The following RBAK variants were observed in gnomAD, a reference collection of about 807,000 sequenced individuals.
RBAK encodes RB-associated KRAB zinc finger protein.
RBAK carries 39 observed loss-of-function variants against 65.8 expected under a neutral mutation model. The observed-to-expected ratio is 0.59, with a 90% CI of 0.46 to 0.77. The LOEUF is 0.77. RBAK is among the 30% of genes least tolerant of loss of function. The probability of loss-of-function intolerance (pLI) is 0.00; values close to 1 mark genes in which losing one functional copy is unlikely to be tolerated. For missense variants in RBAK, 884 were observed against 855.1 expected (o/e 1.03, Z -0.42); for synonymous variants, 343 against 289.7 (o/e 1.18, Z -1.87).
chr7:5,055,156 A>G (rs1788199505), intron 2 of RBAK, among the ~76,000 whole-genome samples: 1 of 152,016 alleles, frequency 6.6e-6, no homozygotes. Context: ...CATTTTATTA[A>G]TACCTTGTTC....
At chr7:5,050,374 A>G (rs888143418) in intron 2 of RBAK, among the ~76,000 whole-genome samples, 3 of 152,202 alleles carry the variant, frequency 2.0e-5, no homozygotes, top group African/African-American at 4.8e-5. Context: ...CTGGAAGTCT[A>G]ATCAGGTTTA....
In RBAK at chr7:5,065,738, A is replaced by G. The variant is rs569891147; in HGVS notation, c.*137A>G. The G allele has an allele frequency of 1.0e-4, 57 of 567,562 alleles. No homozygotes were observed. The highest frequency in any genetic ancestry group is 7.9e-4 in the African/African-American group (41 of 51,794). The allele number at this position is 567,562 out of a possible 1,614,324, so 35.2% of individuals were successfully genotyped here. ...TAGGCATTAGAGTCATTTTAATCCA[A>G]ATTTTCACAGAGAAGAATCCCGAAG... On this transcript the variant is annotated 3_prime_UTR_variant, in exon 5 of 5. Transcript: ENST00000396912. The surrounding 1 kb of genome is among the most constrained non-coding windows in gnomAD (Gnocchi z 5.3).
chr7:5,052,637 T>C (rs10951766), intron 2 of RBAK, among the ~76,000 whole-genome samples: 152,334 of 152,358 alleles, frequency 1, 76,155 homozygotes, highest in Middle Eastern at 1. Flanking sequence ...TAGGATACTT[T>C]CATTTCTCTC....
At chr7:5,063,637 C>T (rs1451315693) in intron 4 of RBAK, 58 bp from the exon 5 acceptor site, 1 of 1,370,586 alleles carries the variant, frequency 7.3e-7, no homozygotes, top group African/African-American at 1.5e-5. Flanking sequence ...ATACCAGTAC[C>T]TTTCCATAGC....
intron 1 of RBAK, among the ~76,000 whole-genome samples, chr7:5,047,121 G>A (rs1478972002): frequency 6.6e-6 from 1 of 152,150 alleles, no homozygotes; most frequent in African/African-American, 2.4e-5. Flanking sequence ...AATGCGGGCC[G>A]GATGCAGTGG....
intron 2 of RBAK, among the ~76,000 whole-genome samples, chr7:5,055,608 T>A (rs1391492393): frequency 6.6e-6 from 1 of 152,232 alleles, no homozygotes; most frequent in Non-Finnish European, 1.5e-5. Flanking sequence ...CATTTGGCTA[T>A]TGTATATTAT....
Position 5,046,225 on chromosome 7 carries a change from G to C in RBAK, c.-216G>C, listed in dbSNP as rs749740545. 2.0e-6 allele frequency: 1 copy of C among 505,748 alleles called. No homozygotes were observed. The highest frequency in any genetic ancestry group is 5.6e-5 in the East Asian group (1 of 17,764). The allele number at this position is 505,748 out of a possible 1,614,324, so 31.3% of individuals were successfully genotyped here. A position where few individuals can be genotyped will look rare whatever the true frequency, so the allele number is the denominator to read the frequency against. On this transcript the variant is annotated 5_prime_UTR_variant, in exon 1 of 5. Transcript: ENST00000396912. The stretch of plus-strand genomic sequence containing the variant: ...CGAGGGAGGCGGATCTGGGTCCCGG[G>C]AAGGACACCCGCCTGGATTTGCCCC...
intron 1 of RBAK, 37 bp downstream of exon 1, chr7:5,046,433 C>G: frequency 2.0e-6 from 1 of 506,324 alleles, no homozygotes; most frequent in Non-Finnish European, 3.9e-6. Flanking sequence ...GCGAGAAGGG[C>G]CTGAGTGAAG....
chr7:5,065,189 A>G lies in RBAK; in HGVS notation c.1733A>G (p.His578Arg), dbSNP rs1308466961. 1.2e-6 allele frequency: 2 copies of G among 1,613,412 alleles called. No individual in the cohort carries two copies. The highest frequency in any genetic ancestry group is 2.7e-5 in the African/African-American group (2 of 74,916). ...AGCGAATGTGGGAAAACCTTTTCCC[A>G]TAATTCATCCCTCTTCAGACATCAA... is the stretch of plus-strand genomic sequence containing the variant. ...GCSECGKTFS[H>R]NSSLFRHQRV... Residue 578 changes from histidine (H) to arginine (R), a missense_variant, in exon 5 of 5, where the codon CAT (histidine) becomes CGT (arginine). Transcript: ENST00000396912. This position sits in a 1 kb window ranked among gnomAD's most constrained non-coding sequence, Gnocchi z 5.3.
intron 2 of RBAK, among the ~76,000 whole-genome samples, chr7:5,052,725 T>C (rs2115029796): frequency 6.6e-6 from 1 of 151,144 alleles, no homozygotes; most frequent in African/African-American, 2.5e-5. Flanking sequence ...ACGTTGTTGT[T>C]AATTAAACAG....
intron 2 of RBAK, among the ~76,000 whole-genome samples, chr7:5,052,619 G>A (rs1788140475): frequency 6.6e-6 from 1 of 152,140 alleles, no homozygotes; most frequent in South Asian, 2.1e-4. Context: ...AGTAAGAGAA[G>A]CTTACAATAG....
At position 5,046,272 on chromosome 7, in the gene RBAK, C is replaced by G. The variant is rs765296643; in HGVS notation, c.-169C>G. On this transcript the variant is annotated 5_prime_UTR_variant, in exon 1 of 5. Coordinates refer to ENST00000396912, the MANE Select transcript of RBAK (RefSeq NM_021163.4). ...CCCCTTAGGCCCGGCCCGGGCCCCT[C>G]GGGAGCAGAACAACCTTAGTGAGGT... 2 of 516,274 alleles carry G rather than the reference C, an allele frequency of 3.9e-6. No homozygotes were observed. Among genetic ancestry groups the G allele is most frequent in the Non-Finnish European group, 7.7e-6 (2 of 259,534 alleles). 32.0% of individuals were successfully genotyped at this position (516,274 alleles called of 1,614,324 possible).
chr7:5,052,063 C>T (rs1241215117), intron 2 of RBAK, among the ~76,000 whole-genome samples: 3 of 152,218 alleles, frequency 2.0e-5, no homozygotes, highest in Non-Finnish European at 4.4e-5. Flanking sequence ...ATATTAGATA[C>T]ATAAATGTTC....
In RBAK at chr7:5,064,307, CA is replaced by C. The variant is rs768698313; in HGVS notation, c.852del (p.Gly285GlufsTer28). 6.2e-7 allele frequency: 1 copy of C among 1,614,128 alleles called. No homozygotes were observed. Among genetic ancestry groups the C allele is most frequent in the East Asian group, 2.2e-5 (1 of 44,874 alleles). ...SKFIIHQRAH[T>X]GEKPYECNVC... ...TTCATCATCCACCAGAGGGCTCACA[CA>C]GGAGAGAAACCTTATGAATGTAATG... is the stretch of plus-strand genomic sequence containing the variant. On this transcript the variant is annotated frameshift_variant, in exon 5 of 5. Transcript: ENST00000396912. LOFTEE classifies it high-confidence loss of function. This position sits in a 1 kb window ranked among gnomAD's most constrained non-coding sequence, Gnocchi z 6.3.
At chr7:5,052,140 T>C (rs1788130027) in intron 2 of RBAK, among the ~76,000 whole-genome samples, 1 of 152,224 alleles carries the variant, frequency 6.6e-6, no homozygotes, top group Admixed American at 6.5e-5. Context: ...CCTGCTAGTA[T>C]TCCAGGCTGA....
At chr7:5,058,139 A>C (rs1778974538) in intron 4 of RBAK, among the ~76,000 whole-genome samples, 1 of 152,046 alleles carries the variant, frequency 6.6e-6, no homozygotes, top group Admixed American at 6.6e-5. Context: ...CAGTGGTATG[A>C]TCTCAGCTCA....
rs1264820155 is a variant in RBAK at position 5,048,683 on chromosome 7, C to G, written c.15+592C>G. On this transcript the variant is annotated intron_variant, in intron 2 of 4. Transcript: ENST00000396912. This position sits in a 1 kb window ranked among gnomAD's most constrained non-coding sequence, Gnocchi z 4.4. Reference sequence around the variant, plus strand: ...CCATCTGTATTAGTCCATTCTCACACTGCTATAGAGAAATAACCAAGACTG... The same window carrying G: ...CCATCTGTATTAGTCCATTCTCACAGTGCTATAGAGAAATAACCAAGACTG... Among the ~76,000 whole-genome samples, 4 of 152,180 alleles carry G rather than the reference C, an allele frequency of 2.6e-5. No individual in the cohort carries two copies. The highest frequency in any genetic ancestry group is 6.5e-5 in the Admixed American group (1 of 15,272).
intron 1 of RBAK, among the ~76,000 whole-genome samples, chr7:5,046,940 C>G (rs1193249970): frequency 6.6e-6 from 1 of 152,114 alleles, no homozygotes; most frequent in African/African-American, 2.4e-5. Flanking sequence ...TTCTTTCTCC[C>G]GTATCCTAGT....
Position 5,064,423 on chromosome 7 carries a change from G to A in RBAK, c.967G>A (p.Gly323Arg), listed in dbSNP as rs551440532. 9.9e-6 allele frequency: 16 copies of A among 1,614,018 alleles called. No homozygotes were observed. Among genetic ancestry groups the A allele is most frequent in the Non-Finnish European group, 1.4e-5 (16 of 1,180,010 alleles). The change falls in exon 5 of 5, where the codon GGG becomes AGG. Residue 323 changes from glycine to arginine, a missense_variant. Coordinates refer to ENST00000396912, the MANE Select transcript of RBAK (RefSeq NM_021163.4). The surrounding 1 kb of genome is among the most constrained non-coding windows in gnomAD (Gnocchi z 6.3). ...GAAGCCCTATAAATGTAATGAATGTGGGAAAACCTTTTGTCAGAAGTTACA... is the reference window on the plus strand; with the variant it reads ...GAAGCCCTATAAATGTAATGAATGTAGGAAAACCTTTTGTCAGAAGTTACA... ...EEKPYKCNEC[G>R]KTFCQKLHLT...
Sources: gnomAD v4.1 joint callset for allele counts (sites outside exome capture counted in the v4.1 genomes callset) on GRCh38, gnomAD v4.1.1 for gene constraint, Gnocchi (gnomAD v3.1) non-coding constraint, MANE v1.5 for transcripts, NCBI Gene and HGNC (gene_info 2026-07-23, HGNC 2026-07-21) for gene names.